The following RFTN2 variants were observed in gnomAD, a reference collection of about 807,000 sequenced individuals.
RFTN2 encodes raftlin-2.
A neutral mutation model predicts 52.7 loss-of-function variants in RFTN2; 34 were observed. The observed-to-expected ratio is 0.64, with a 90% confidence interval of 0.49 to 0.86. The LOEUF is 0.86. Ranked by LOEUF, RFTN2 falls within the 40% of genes least tolerant of loss-of-function variation. The pLI, the probability that RFTN2 is intolerant of heterozygous loss-of-function variation, is 0.00. For synonymous variants in RFTN2, 203 were observed against 217.7 expected (o/e 0.93, Z 0.59); for missense variants, 536 against 600.1 (o/e 0.89, Z 1.12).
At chr2:197,584,817 G>A (rs1006389433) in intron 8 of RFTN2, among the ~76,000 whole-genome samples, 2 of 152,114 alleles carry the variant, frequency 1.3e-5, no homozygotes, top group Non-Finnish European at 2.9e-5. Flanking sequence ...AGTCCTCTAG[G>A]TGACTATCTT....
intron 1 of RFTN2, among the ~76,000 whole-genome samples, chr2:197,671,099 A>G (rs2089142044): frequency 6.6e-6 from 1 of 152,212 alleles, no homozygotes; most frequent in African/African-American, 2.4e-5. Context: ...ACTCTTCTGC[A>G]TCTATCAACT....
chr2:197,588,214 C>A (rs1408641170), intron 8 of RFTN2, among the ~76,000 whole-genome samples: 1 of 152,158 alleles, frequency 6.6e-6, no homozygotes, highest in Non-Finnish European at 1.5e-5. Flanking sequence ...CTATTTTTTT[C>A]TCTCTCTACA....
chr2:197,665,715 C>A (rs2089046477), intron 1 of RFTN2, among the ~76,000 whole-genome samples: 1 of 151,772 alleles, frequency 6.6e-6, no homozygotes, highest in Admixed American at 6.6e-5. Flanking sequence ...ATTTTTAAGT[C>A]CATTCAGCCA....
At chr2:197,666,282 A>C (rs919142862) in intron 1 of RFTN2, among the ~76,000 whole-genome samples, 7 of 152,128 alleles carry the variant, frequency 4.6e-5, no homozygotes, top group Non-Finnish European at 8.8e-5. Context: ...ACAGGGCTTC[A>C]CCATGTTGGC....
At chr2:197,619,294 A>C (rs1458106641) in intron 5 of RFTN2, among the ~76,000 whole-genome samples, 2 of 152,032 alleles carry the variant, frequency 1.3e-5, no homozygotes, top group East Asian at 1.9e-4. Flanking sequence ...GTTTTGTAGA[A>C]TAGAAAGGGG....
At chr2:197,638,939 T>C (rs1159511446) in intron 3 of RFTN2, among the ~76,000 whole-genome samples, 1 of 151,810 alleles carries the variant, frequency 6.6e-6, no homozygotes, top group Non-Finnish European at 1.5e-5. Flanking sequence ...GGCCTGGTCA[T>C]GACAAAATCT....
chr2:197,640,091 C>T (rs1243575068), intron 3 of RFTN2, among the ~76,000 whole-genome samples: 1 of 152,192 alleles, frequency 6.6e-6, no homozygotes, highest in Non-Finnish European at 1.5e-5. Flanking sequence ...AGGGAGTCTG[C>T]CCGTTCTCAG....
At chr2:197,666,448 T>C (rs1037659397) in intron 1 of RFTN2, among the ~76,000 whole-genome samples, 1 of 152,252 alleles carries the variant, frequency 6.6e-6, no homozygotes, top group African/African-American at 2.4e-5. Context: ...CTTTGAGCAC[T>C]TTGAACATGT....
rs183126632 is a variant in RFTN2, at chr2:197,651,571, G to A, written c.140-4905C>T. On this transcript the variant is annotated intron_variant, in intron 1 of 8. Transcript: ENST00000295049. ...AAGGCGGAGGTTGAAGTGAGCTATC[G>A]TGTCACTGCATTCCAGCCTGGGTGA... is the stretch of plus-strand genomic sequence containing the variant. Among the ~76,000 whole-genome samples the A allele has an allele frequency of 4.7e-3, 710 of 152,166 alleles. 3 individuals are homozygous for A. The highest frequency in any genetic ancestry group is 0.016 in the African/African-American group (682 of 41,516).
intron 1 of RFTN2, among the ~76,000 whole-genome samples, chr2:197,665,731 T>G (rs1224425178): frequency 6.6e-6 from 1 of 152,026 alleles, no homozygotes; most frequent in African/African-American, 2.4e-5. Context: ...AGCCAGTATA[T>G]ATGTTTTAAG....
chr2:197,587,958 T>C (rs749326748), intron 8 of RFTN2: 4 of 470,046 alleles, frequency 8.5e-6, no homozygotes, highest in South Asian at 6.2e-5. Flanking sequence ...AGGTCATGAA[T>C]AGCTGGCCCG....
chr2:197,642,904 A>G (rs1260719988), intron 3 of RFTN2, among the ~76,000 whole-genome samples: 2 of 152,148 alleles, frequency 1.3e-5, no homozygotes, highest in African/African-American at 4.8e-5. Flanking sequence ...GCTTGAGTTC[A>G]AGAGTTCGAG....
chr2:197,577,864 G>A (rs1003410799), intron 8 of RFTN2, among the ~76,000 whole-genome samples: 1 of 152,134 alleles, frequency 6.6e-6, no homozygotes. Flanking sequence ...GATTACAGGA[G>A]CACCACCATG....
intron 1 of RFTN2, among the ~76,000 whole-genome samples, chr2:197,673,469 A>C (rs1388954898): frequency 2.0e-5 from 3 of 152,200 alleles, no homozygotes; most frequent in Non-Finnish European, 2.9e-5. Flanking sequence ...AACATGGGGA[A>C]AAATTGGAGC....
At chr2:197,620,463 C>G (rs758551328) in intron 5 of RFTN2, among the ~76,000 whole-genome samples, 5 of 151,028 alleles carry the variant, frequency 3.3e-5, no homozygotes, top group African/African-American at 7.4e-5. Context: ...GTTGACAGCT[C>G]TCTAAATTCT....
chr2:197,620,597 T>C (rs751592780), intron 5 of RFTN2, among the ~76,000 whole-genome samples: 3 of 152,246 alleles, frequency 2.0e-5, no homozygotes, highest in Non-Finnish European at 4.4e-5. Flanking sequence ...GATAAATCAT[T>C]ATTATTATTT....
chr2:197,657,225 T>A (rs2088907042), intron 1 of RFTN2, among the ~76,000 whole-genome samples: 1 of 151,926 alleles, frequency 6.6e-6, no homozygotes, highest in Non-Finnish European at 1.5e-5. Context: ...TTTCCCAGTT[T>A]AAAAAAAGTG....
chr2:197,626,614 C>CTT (rs201711932), intron 5 of RFTN2, among the ~76,000 whole-genome samples: 4,462 of 96,896 alleles, frequency 0.046, 522 homozygotes, highest in South Asian at 0.06. Flanking sequence ...AAGGAATAAT[C>CTT]TTCTTTTTTT....
chr2:197,630,035 A>G (rs535287408), intron 5 of RFTN2, among the ~76,000 whole-genome samples: 110 of 152,300 alleles, frequency 7.2e-4, no homozygotes, highest in Non-Finnish European at 8.4e-4. Flanking sequence ...ACTGAAAAAT[A>G]CTAAGAAATG....
Sources: allele counts gnomAD v4.1 joint callset (sites outside exome capture counted in the v4.1 genomes callset), GRCh38; gene constraint gnomAD v4.1.1; transcripts MANE v1.5; gene names NCBI Gene and HGNC (gene_info 2026-07-23, HGNC 2026-07-21).